The following GABBR2 variants were observed in gnomAD, a reference collection of about 807,000 sequenced individuals.
GABBR2 encodes gamma-aminobutyric acid type B receptor subunit 2.
In GABBR2, 23 loss-of-function variants were observed where a neutral mutation model predicts 105.6. The ratio of observed to expected loss-of-function variants is 0.22; its 90% CI spans 0.16 to 0.31. The LOEUF is 0.31. GABBR2 is among the 10% of genes least tolerant of loss of function. GABBR2 has a pLI of 1.00. For missense variants in GABBR2, 734 were observed against 1,245.5 expected, an observed-to-expected ratio of 0.59 and a Z score of 6.18; for synonymous variants, 478 against 499.7, an observed-to-expected ratio of 0.96 and a Z score of 0.58.
chr9:98,391,477 T>A (rs572610981), intron 9 of GABBR2, among the ~76,000 whole-genome samples: 1 of 152,128 alleles, frequency 6.6e-6, no homozygotes, highest in Non-Finnish European at 1.5e-5. Context: ...GGGGTCCAGG[T>A]GATGTGATAA....
At chr9:98,305,643 C>T (rs1255056626) in intron 15 of GABBR2, among the ~76,000 whole-genome samples, 3 of 152,082 alleles carry the variant, frequency 2.0e-5, no homozygotes, top group Non-Finnish European at 4.4e-5. Flanking sequence ...AGGGAGACCC[C>T]GTCTCTATAA....
At chr9:98,400,543 T>A (rs980306287) in intron 8 of GABBR2, among the ~76,000 whole-genome samples, 9 of 152,154 alleles carry the variant, frequency 5.9e-5, no homozygotes, top group African/African-American at 2.2e-4. Context: ...CTAAGGAAAT[T>A]CCCAGTTGGG....
chr9:98,568,737 G>A (rs985836169), intron 2 of GABBR2, among the ~76,000 whole-genome samples: 1 of 152,182 alleles, frequency 6.6e-6, no homozygotes, highest in Non-Finnish European at 1.5e-5. Flanking sequence ...CATGGGTCCC[G>A]CTTCAAGCCA....
intron 8 of GABBR2, among the ~76,000 whole-genome samples, chr9:98,395,018 T>C (rs547677583): frequency 6.6e-6 from 1 of 152,330 alleles, no homozygotes; most frequent in Admixed American, 6.5e-5. Context: ...TAAACCCAAG[T>C]GGTGCATTCA....
intron 1 of GABBR2, among the ~76,000 whole-genome samples, chr9:98,616,766 AAAG>A (rs1829592533): frequency 1.4e-5 from 2 of 147,258 alleles, no homozygotes; most frequent in East Asian, 3.9e-4. Flanking sequence ...AAAAAAAAAG[AAAG>A]AAAAGTCTTC....
At chr9:98,557,127 G>A (rs138423112) in intron 2 of GABBR2, among the ~76,000 whole-genome samples, 1 of 152,210 alleles carries the variant, frequency 6.6e-6, no homozygotes, top group African/African-American at 2.4e-5. Context: ...AATAGAAGAT[G>A]AGGAGATGAG....
At chr9:98,622,547 A>G (rs1829684043) in intron 1 of GABBR2, among the ~76,000 whole-genome samples, 1 of 152,178 alleles carries the variant, frequency 6.6e-6, no homozygotes, top group African/African-American at 2.4e-5. Flanking sequence ...AAGTTTCAAG[A>G]GAAGCAAGAG....
chr9:98,705,529 G>C (rs1043606480), intron 1 of GABBR2, among the ~76,000 whole-genome samples: 1 of 152,178 alleles, frequency 6.6e-6, no homozygotes, highest in Non-Finnish European at 1.5e-5. Context: ...GCCAAAATCT[G>C]TTCACCACAT....
intron 3 of GABBR2, among the ~76,000 whole-genome samples, chr9:98,530,006 C>T (rs755345793): frequency 5.9e-5 from 9 of 152,300 alleles, no homozygotes; most frequent in African/African-American, 9.6e-5. Context: ...TTTGCTCATG[C>T]GGCTCTGGCA....
At chr9:98,462,305 G>A (rs1826438347) in intron 6 of GABBR2, among the ~76,000 whole-genome samples, 1 of 152,072 alleles carries the variant, frequency 6.6e-6, no homozygotes, top group Non-Finnish European at 1.5e-5. Context: ...TAATACATTG[G>A]ATTACATTAA....
intron 1 of GABBR2, among the ~76,000 whole-genome samples, chr9:98,640,465 C>G (rs1243711266): frequency 6.6e-6 from 1 of 152,124 alleles, no homozygotes; most frequent in Non-Finnish European, 1.5e-5. Context: ...ACCCCTTCCT[C>G]CATGAAACCA....
intron 1 of GABBR2, among the ~76,000 whole-genome samples, chr9:98,666,853 C>T (rs1830341596): frequency 6.6e-6 from 1 of 152,148 alleles, no homozygotes; most frequent in African/African-American, 2.4e-5. Context: ...GCCAAGAACC[C>T]AGCAGACCAG....
intron 1 of GABBR2, among the ~76,000 whole-genome samples, chr9:98,587,450 G>C (rs994597698): frequency 1.3e-5 from 2 of 152,104 alleles, no homozygotes; most frequent in African/African-American, 4.8e-5. Context: ...TCCTTCCTTG[G>C]TGCCCAGGGG....
intron 14 of GABBR2, among the ~76,000 whole-genome samples, chr9:98,310,511 G>A (rs1564011420): frequency 6.6e-6 from 1 of 152,192 alleles, no homozygotes; most frequent in Non-Finnish European, 1.5e-5. Context: ...GCCTCTCAAA[G>A]TGCTGGCATT....
rs1001884528 is a variant in GABBR2, at chr9:98,673,414, T to C, written c.321+35003A>G. On this transcript the variant is annotated intron_variant, in intron 1 of 18. Transcript: ENST00000259455. ...ACTAATGAGGACTGAGATGAAGATC[T>C]TGAGTCATCAATAAAAGACTGAATT... Among the ~76,000 whole-genome samples the C allele has an allele frequency of 3.3e-5, 5 of 152,124 alleles. No individual in the cohort carries two copies. In the East Asian group the frequency reaches 7.7e-4, roughly 23 times the overall value.
intron 2 of GABBR2, among the ~76,000 whole-genome samples, chr9:98,545,111 G>T (rs1425280593): frequency 6.6e-6 from 1 of 152,138 alleles, no homozygotes; most frequent in Non-Finnish European, 1.5e-5. Flanking sequence ...TCACACTCTG[G>T]TTGCTACTTT....
intron 13 of GABBR2, among the ~76,000 whole-genome samples, chr9:98,351,060 C>G (rs565795665): frequency 1.3e-5 from 2 of 152,010 alleles, no homozygotes; most frequent in South Asian, 2.1e-4. Context: ...TAATTCTGCA[C>G]GCTTTTGGTT....
intron 1 of GABBR2, among the ~76,000 whole-genome samples, chr9:98,655,413 T>C (rs1372782034): frequency 6.6e-6 from 1 of 151,876 alleles, no homozygotes; most frequent in Non-Finnish European, 1.5e-5. Context: ...AAAGAAAAGG[T>C]ACAGAAGCTA....
At chr9:98,664,459 T>C (rs183821646) in intron 1 of GABBR2, among the ~76,000 whole-genome samples, 1 of 152,344 alleles carries the variant, frequency 6.6e-6, no homozygotes, top group African/African-American at 2.4e-5. Context: ...GTACACGATA[T>C]GTGGCCACCA....
Sources: allele counts gnomAD v4.1 joint callset (sites outside exome capture counted in the v4.1 genomes callset), GRCh38; gene constraint gnomAD v4.1.1; transcripts MANE v1.5; gene names NCBI Gene and HGNC (gene_info 2026-07-23, HGNC 2026-07-21).